NIPAL1: variants seen among roughly 807,000 people sequenced by gnomAD.
The protein encoded by NIPAL1 is magnesium transporter NIPA3.
Under a neutral mutation model 37.7 loss-of-function variants are expected in NIPAL1, and 35 were observed. That is an observed-to-expected ratio of 0.93 (90% CI 0.71 to 1.23). The LOEUF (loss-of-function observed/expected upper bound fraction) is 1.23, where lower values mean the gene tolerates loss of function less well. NIPAL1 is among the 50% of genes most tolerant of loss of function. The pLI is 0.00. For missense variants in NIPAL1, 412 were observed against 473.9 expected (o/e 0.87, Z 1.21); for synonymous variants, 162 against 183.0 (o/e 0.89, Z 0.93).
At chr4:48,023,214 T>C (rs1715615918) in intron 1 of NIPAL1, among the ~76,000 whole-genome samples, 2 of 152,162 alleles carry the variant, frequency 1.3e-5, no homozygotes, top group Admixed American at 6.5e-5. Context: ...CCAACTATTC[T>C]GGATTTCTGA....
rs1235481477 is a variant in NIPAL1, at chr4:48,036,626, A to G, written c.*454A>G. On this transcript the variant is annotated 3_prime_UTR_variant, in exon 6 of 6. Transcript: ENST00000295461. The stretch of plus-strand genomic sequence containing the variant: ...GAAAGGTATAATCATGTAATTTCTC[A>G]TATTAAAACTGAGAAGAGAGGCCAG... 1 of 160,370 alleles carries G rather than the reference A, an allele frequency of 6.2e-6. No homozygotes were observed. The highest frequency in any genetic ancestry group is 2.4e-5 in the African/African-American group (1 of 41,506). 9.9% of individuals were successfully genotyped at this position (160,370 alleles called of 1,614,324 possible). A position where few individuals can be genotyped will look rare whatever the true frequency, so the allele number is the denominator to read the frequency against.
Position 48,033,048 on chromosome 4 carries a change from G to C in NIPAL1, c.426G>C (p.Leu142Phe). 6.2e-7 allele frequency: 1 copy of C among 1,613,802 alleles called. No individual in the cohort carries two copies. Among genetic ancestry groups the C allele is most frequent in the Non-Finnish European group, 8.5e-7 (1 of 1,179,818 alleles). The change falls in exon 4 of 6, where the codon TTG becomes TTC. Residue 142 changes from leucine to phenylalanine, a missense_variant. Transcript: ENST00000295461. ...FAAYAFAPAT[L>F]VTPLGALSVL... ...CTTATGCTTTTGCACCTGCCACCTT[G>C]GTCACCCCTCTGGGTGCTTTGAGTG...
Position 48,036,408 on chromosome 4 carries a change from G to C in NIPAL1, c.*236G>C. 2 of 458,970 alleles carry C rather than the reference G, an allele frequency of 4.4e-6. No individual in the cohort carries two copies. The highest frequency in any genetic ancestry group is 7.7e-6 in the Non-Finnish European group (2 of 260,992). 28.4% of individuals were successfully genotyped at this position (458,970 alleles called of 1,614,324 possible). On this transcript the variant is annotated 3_prime_UTR_variant, in exon 6 of 6. Coordinates refer to ENST00000295461, the MANE Select transcript of NIPAL1 (RefSeq NM_207330.3). The stretch of plus-strand genomic sequence containing the variant: ...CTCTAAGGATCAAAGAAGTCAAAGA[G>C]CTATGTGTGTCTCAGAATAATCTCC...
At chr4:48,018,297 A>G (rs555952831) in intron 1 of NIPAL1, among the ~76,000 whole-genome samples, 1 of 152,220 alleles carries the variant, frequency 6.6e-6, no homozygotes, top group Non-Finnish European at 1.5e-5. Flanking sequence ...TAAGTAAGGA[A>G]GGTATATGAA....
chr4:48,016,864 C>T lies in NIPAL1; in HGVS notation c.25C>T (p.Pro9Ser), dbSNP rs768792122. ...CATGGGGGCACAGGTGAGGCTGCCG[C>T]CCGGAGAGCCCTGCCGAGAAGGTTT... MGAQVRLP[P>S]GEPCREGYVL... The change falls in exon 1 of 6, where the codon CCC becomes TCC. Residue 9 changes from proline (P) to serine (S), a missense_variant. Pro to Ser is a moderately conservative substitution (Grantham distance 74). Coordinates refer to ENST00000295461, the MANE Select transcript of NIPAL1 (RefSeq NM_207330.3). 6.3e-7 allele frequency: 1 copy of T among 1,593,434 alleles called. No individual in the cohort carries two copies. Among genetic ancestry groups the T allele is most frequent in the Admixed American group, 1.7e-5 (1 of 58,186 alleles).
At chr4:48,029,289 G>A (rs1715766381) in intron 2 of NIPAL1, among the ~76,000 whole-genome samples, 1 of 152,188 alleles carries the variant, frequency 6.6e-6, no homozygotes, top group African/African-American at 2.4e-5. Flanking sequence ...GGACGGAACT[G>A]GAGGCCATTA....
intron 2 of NIPAL1, among the ~76,000 whole-genome samples, chr4:48,025,552 G>A (rs568311040): frequency 6.6e-6 from 1 of 152,286 alleles, no homozygotes; most frequent in Non-Finnish European, 1.5e-5. Flanking sequence ...AGCATCTTAA[G>A]TGTCACTATA....
chr4:48,029,405 G>T (rs1715768499), intron 2 of NIPAL1, among the ~76,000 whole-genome samples: 2 of 152,120 alleles, frequency 1.3e-5, no homozygotes, highest in South Asian at 4.1e-4. Context: ...TGGAATAATG[G>T]ACATTAGAGA....
Position 48,036,018 on chromosome 4 carries a change from C to T in NIPAL1, c.1079C>T (p.Thr360Ile), listed in dbSNP as rs748308536. The T allele has an allele frequency of 6.8e-5, 110 of 1,612,984 alleles. No individual in the cohort carries two copies. The highest frequency in any genetic ancestry group is 9.2e-5 in the Non-Finnish European group (109 of 1,179,664). Residue 360 changes from threonine (T) to isoleucine (I), a missense_variant, in exon 6 of 6, where the codon ACT becomes ATT. Thr to Ile is a moderately conservative substitution (Grantham distance 89, BLOSUM62 -1). Coordinates refer to ENST00000295461, the MANE Select transcript of NIPAL1 (RefSeq NM_207330.3). ...TTCCTTCTACATGCTTTTAAAAATA[C>T]TGACATTACTTGGAGTGAGCTTACA... ...GIFLLHAFKN[T>I]DITWSELTST... is the part of the protein sequence containing the mutation.
At position 48,037,338 on chromosome 4, in the gene NIPAL1, C is replaced by A. The variant is rs1410342063; in HGVS notation, c.*1166C>A. Reference sequence around the variant, plus strand: ...GACAAAATGGAGTTTCTGAAGAAGTCCAGGTGAATTCAGCTTTGGAGTCAC... The same window carrying A: ...GACAAAATGGAGTTTCTGAAGAAGTACAGGTGAATTCAGCTTTGGAGTCAC... On this transcript the variant is annotated 3_prime_UTR_variant, in exon 6 of 6. Coordinates refer to ENST00000295461, the MANE Select transcript of NIPAL1 (RefSeq NM_207330.3). The A allele has an allele frequency of 2.6e-6, 1 of 382,444 alleles. No homozygotes were observed. Among genetic ancestry groups the A allele is most frequent in the Admixed American group, 3.4e-5 (1 of 29,180 alleles). The allele number at this position is 382,444 out of a possible 1,614,324, so 23.7% of individuals were successfully genotyped here.
chr4:48,032,099 T>A (rs942327681), intron 3 of NIPAL1, among the ~76,000 whole-genome samples: 1 of 152,214 alleles, frequency 6.6e-6, no homozygotes, highest in South Asian at 2.1e-4. Context: ...AATTTAGATT[T>A]GTTTAATGAT....
intron 1 of NIPAL1, among the ~76,000 whole-genome samples, chr4:48,021,787 C>A (rs1715574852): frequency 6.6e-6 from 1 of 151,926 alleles, no homozygotes; most frequent in Non-Finnish European, 1.5e-5. Context: ...TGGAGAAAAT[C>A]TTTTTTATAA....
chr4:48,035,449 C>A, intron 5 of NIPAL1, 113 bp from the exon 6 acceptor site: 3 of 963,300 alleles, frequency 3.1e-6, no homozygotes, highest in Admixed American at 4.8e-5. Flanking sequence ...TTAATTTGAT[C>A]TCACTTCTAT....
rs529919734 is a variant in NIPAL1, at chr4:48,039,914, A to C, written c.*3742A>C. 6.6e-5 allele frequency: 10 copies of C among 152,348 alleles called. No individual in the cohort carries two copies. The highest frequency in any genetic ancestry group is 2.4e-4 in the African/African-American group (10 of 41,592). 9.4% of individuals were successfully genotyped at this position (152,348 alleles called of 1,614,324 possible). On this transcript the variant is annotated 3_prime_UTR_variant, in exon 6 of 6. Transcript: ENST00000295461. The stretch of plus-strand genomic sequence containing the variant: ...CAAGTGAAAGTGAATTCATCATACT[A>C]TCTCAACACCAATACAAAATTATTC...
Position 48,030,155 on chromosome 4 carries a change from T to A in NIPAL1, c.349T>A (p.Trp117Arg). 1 of 1,603,418 alleles carries A rather than the reference T, an allele frequency of 6.2e-7. No individual in the cohort carries two copies. Among genetic ancestry groups the A allele is most frequent in the Non-Finnish European group, 8.5e-7 (1 of 1,170,692 alleles). ...GGHSYLKEWL[W>R]WVGLLSMGAG... is the part of the protein sequence containing the mutation. ...ACATTCTTACCTGAAGGAATGGCTCTGGTGGGTAGGATTGCTGTCAAGTAA... is the reference window on the plus strand; with the variant it reads ...ACATTCTTACCTGAAGGAATGGCTCAGGTGGGTAGGATTGCTGTCAAGTAA... Residue 117 changes from tryptophan to arginine, a missense_variant, in exon 3 of 6, where the codon TGG (tryptophan) becomes AGG (arginine). Transcript: ENST00000295461.
chr4:48,038,259 T>G lies in NIPAL1; in HGVS notation c.*2087T>G, dbSNP rs1311883155. ...GATAATCCATGGAAGGTCCATGGGT[T>G]GATACCTCAGGTCAAAAATGTGTTT... On this transcript the variant is annotated 3_prime_UTR_variant, in exon 6 of 6. Transcript: ENST00000295461. The G allele has an allele frequency of 6.6e-6, 1 of 152,230 alleles. No individual in the cohort carries two copies. The highest frequency in any genetic ancestry group is 1.9e-4 in the East Asian group (1 of 5,208). 9.4% of individuals were successfully genotyped at this position (152,230 alleles called of 1,614,324 possible).
intron 2 of NIPAL1, among the ~76,000 whole-genome samples, chr4:48,029,476 G>A (rs1715775449): frequency 6.6e-6 from 1 of 152,092 alleles, no homozygotes; most frequent in Non-Finnish European, 1.5e-5. Flanking sequence ...CTACCTGTTG[G>A]GTTCAGTGTT....
chr4:48,025,198 A>C lies in NIPAL1; in HGVS notation c.177A>C (p.Ser59=). ...ACAGCATAAACAACTTGAGCATTTC[A>C]GCAAATGTAGAAAACAAATACAGTC... ...LNYSINNLSI[S]ANVENKYSLY... is the part of the protein sequence containing the mutation. The change falls in exon 2 of 6, where the codon TCA becomes TCC. Residue 59 remains serine, a synonymous_variant. Coordinates refer to ENST00000295461, the MANE Select transcript of NIPAL1 (RefSeq NM_207330.3). 6.2e-7 allele frequency: 1 copy of C among 1,614,226 alleles called. No individual in the cohort carries two copies. Among genetic ancestry groups the C allele is most frequent in the Non-Finnish European group, 8.5e-7 (1 of 1,180,036 alleles).
At chr4:48,017,740 CG>C (rs1715470490) in intron 1 of NIPAL1, among the ~76,000 whole-genome samples, 1 of 151,984 alleles carries the variant, frequency 6.6e-6, no homozygotes, top group Admixed American at 6.6e-5. Context: ...TGATGGTTTT[CG>C]CCGTACCAAG....
Sources: gnomAD v4.1 joint callset for allele counts (sites outside exome capture counted in the v4.1 genomes callset) on GRCh38, gnomAD v4.1.1 for gene constraint, MANE v1.5 for transcripts, NCBI Gene and HGNC (gene_info 2026-07-23, HGNC 2026-07-21) for gene names.